Variants in PDE10A observed in about 807,000 individuals in gnomAD.
The protein encoded by PDE10A is cAMP and cAMP-inhibited cGMP 3',5'-cyclic phosphodiesterase 10A.
In PDE10A, 39 loss-of-function variants were observed where a neutral mutation model predicts 97.7. That is an observed-to-expected ratio of 0.40 (90% CI 0.31 to 0.52). The LOEUF is 0.52. Among genes scored for constraint, PDE10A ranks in the 20% least tolerant of loss-of-function variants. The probability of loss-of-function intolerance (pLI) is 0.56; values close to 1 mark genes in which losing one functional copy is unlikely to be tolerated. For missense variants in PDE10A, 731 were observed against 1,047.8 expected (o/e 0.70, Z 4.17); for synonymous variants, 371 against 376.8 (o/e 0.98, Z 0.18).
chr6:165,381,617 A>G (rs974142406), intron 17 of PDE10A, among the ~76,000 whole-genome samples: 3 of 143,086 alleles, frequency 2.1e-5, no homozygotes, highest in African/African-American at 7.8e-5. Context: ...GGGACGCACC[A>G]CCACACCTGG....
chr6:165,427,137 G>A (rs1789223423), intron 10 of PDE10A, among the ~76,000 whole-genome samples: 1 of 152,052 alleles, frequency 6.6e-6, no homozygotes, highest in East Asian at 1.9e-4. Flanking sequence ...ATGGAAAACA[G>A]GCATTCAAAC....
At chr6:165,345,446 CAG>C in intron 18 of PDE10A, among the ~76,000 whole-genome samples, 1 of 152,270 alleles carries the variant, frequency 6.6e-6, no homozygotes, top group Admixed American at 6.5e-5. Context: ...AATTCCAAAC[CAG>C]TTAGATGGCC....
At chr6:165,469,698 T>C (rs1317606198) in intron 3 of PDE10A, among the ~76,000 whole-genome samples, 2 of 152,192 alleles carry the variant, frequency 1.3e-5, no homozygotes, top group Non-Finnish European at 2.9e-5. Context: ...GAAATTCTTA[T>C]TGGGCTCTTT....
At chr6:165,725,332 G>A (rs879592276) in intron 1 of PDE10A, among the ~76,000 whole-genome samples, 9 of 152,178 alleles carry the variant, frequency 5.9e-5, no homozygotes, top group African/African-American at 1.2e-4. Context: ...CAAAAAGAGC[G>A]CCCTGTAACA....
At chr6:165,887,413 C>A (rs895686236) in intron 1 of PDE10A, among the ~76,000 whole-genome samples, 1 of 152,222 alleles carries the variant, frequency 6.6e-6, no homozygotes, top group African/African-American at 2.4e-5. Flanking sequence ...CCGTCCCCAA[C>A]TTCTGAAGCC....
At chr6:165,548,068 C>T (rs1265654441) in intron 1 of PDE10A, among the ~76,000 whole-genome samples, 1 of 152,080 alleles carries the variant, frequency 6.6e-6, no homozygotes, top group African/African-American at 2.4e-5. Flanking sequence ...CTTCAACCAT[C>T]ACAATTCATA....
chr6:165,874,221 T>C (rs1562777122), intron 1 of PDE10A, among the ~76,000 whole-genome samples: 1 of 152,248 alleles, frequency 6.6e-6, no homozygotes, highest in Non-Finnish European at 1.5e-5. Flanking sequence ...TTTTCTCATT[T>C]TGCCTTCATT....
intron 1 of PDE10A, among the ~76,000 whole-genome samples, chr6:165,767,072 C>T (rs370984744): frequency 8.5e-5 from 13 of 152,308 alleles, no homozygotes; most frequent in African/African-American, 2.6e-4. Flanking sequence ...TGTGCTTCTA[C>T]ATTAAAAAAC....
chr6:165,352,409 G>A (rs1782748415), intron 18 of PDE10A, among the ~76,000 whole-genome samples: 2 of 152,058 alleles, frequency 1.3e-5, no homozygotes, highest in African/African-American at 4.8e-5. Context: ...GCCACTGACT[G>A]TCATCCATCA....
At chr6:165,404,273 C>A (rs1214151648) in intron 13 of PDE10A, among the ~76,000 whole-genome samples, 1 of 152,034 alleles carries the variant, frequency 6.6e-6, no homozygotes, top group Non-Finnish European at 1.5e-5. Context: ...AAATAACAGA[C>A]CCATCGCAGG....
At chr6:165,975,291 T>A (rs1784815596) in intron 1 of PDE10A, among the ~76,000 whole-genome samples, 1 of 152,144 alleles carries the variant, frequency 6.6e-6, no homozygotes, top group African/African-American at 2.4e-5. Flanking sequence ...TCACCCTAAC[T>A]CAAGGGAAAA....
chr6:165,886,471 G>A (rs1276637306), intron 1 of PDE10A, among the ~76,000 whole-genome samples: 1 of 152,214 alleles, frequency 6.6e-6, no homozygotes, highest in Non-Finnish European at 1.5e-5. Flanking sequence ...TTTGCTAAGC[G>A]CACAGAAGTC....
At chr6:165,538,380 G>C (rs988086084) in intron 2 of PDE10A, among the ~76,000 whole-genome samples, 1 of 151,982 alleles carries the variant, frequency 6.6e-6, no homozygotes, top group South Asian at 2.1e-4. Flanking sequence ...TTTTAGACAC[G>C]ATCATAGAAA....
intron 1 of PDE10A, among the ~76,000 whole-genome samples, chr6:165,803,510 A>G (rs1436560907): frequency 6.6e-6 from 1 of 152,196 alleles, no homozygotes; most frequent in African/African-American, 2.4e-5. Flanking sequence ...AACCATGTTC[A>G]TGTCTACATC....
rs148409305 is a variant in PDE10A, at chr6:165,816,467, A to G, written c.-615+171062T>C. ...GAAAGGCCACGGAGCAGTAGTTAGG[A>G]GCACGTGCTCTGGAGCAGGGTCTGG... is the stretch of plus-strand genomic sequence containing the variant. On this transcript the variant is annotated intron_variant, in intron 1 of 19. Coordinates refer to the PDE10A transcript ENST00000366882. Among the ~76,000 whole-genome samples the G allele has an allele frequency of 3.8e-3, 583 of 152,296 alleles. 5 individuals carry two copies. Among genetic ancestry groups the G allele is most frequent in the African/African-American group, 0.013 (553 of 41,558 alleles).
chr6:165,727,737 G>T (rs1313711279), intron 1 of PDE10A, among the ~76,000 whole-genome samples: 1 of 152,114 alleles, frequency 6.6e-6, no homozygotes, highest in Non-Finnish European at 1.5e-5. Context: ...TTGATTCATT[G>T]CAAGAAAAAA....
chr6:165,649,972 C>A (rs1248280411), intron 1 of PDE10A, among the ~76,000 whole-genome samples: 1 of 152,228 alleles, frequency 6.6e-6, no homozygotes, highest in African/African-American at 2.4e-5. Context: ...ACGTTCAAAT[C>A]TGTGCATGAC....
At chr6:165,651,817 CTGGAGG>C (rs1789700614) in intron 1 of PDE10A, among the ~76,000 whole-genome samples, 1 of 152,028 alleles carries the variant, frequency 6.6e-6, no homozygotes, top group Non-Finnish European at 1.5e-5. Flanking sequence ...GGAATCTATC[CTGGAGG>C]TGCTCTGCAT....
At chr6:165,706,319 G>C (rs966880812) in intron 1 of PDE10A, among the ~76,000 whole-genome samples, 7 of 152,134 alleles carry the variant, frequency 4.6e-5, no homozygotes, top group Admixed American at 3.9e-4. Flanking sequence ...AGCTTCTGAT[G>C]ATGACGGTTT....
Sources: gnomAD v4.1 joint callset for allele counts (sites outside exome capture counted in the v4.1 genomes callset) on GRCh38, gnomAD v4.1.1 for gene constraint, MANE v1.5 for transcripts, NCBI Gene and HGNC (gene_info 2026-07-23, HGNC 2026-07-21) for gene names.